PCDH9: variants seen among roughly 807,000 people sequenced by gnomAD.
PCDH9 encodes protocadherin 9.
A neutral mutation model predicts 70.6 loss-of-function variants in PCDH9; 24 were observed. The observed-to-expected ratio is 0.34, with a 90% CI of 0.25 to 0.48. The LOEUF is 0.48. Ranked by LOEUF, PCDH9 falls within the 20% of genes least tolerant of loss-of-function variation. PCDH9 has a pLI of 0.99. For synonymous variants in PCDH9, 562 were observed against 558.5 expected (o/e 1.01, Z -0.09); for missense variants, 1,281 against 1,503.6 (o/e 0.85, Z 2.45).
chr13:66,776,543 A>C (rs985791160), intron 3 of PCDH9, among the ~76,000 whole-genome samples: 2 of 151,908 alleles, frequency 1.3e-5, no homozygotes, highest in Non-Finnish European at 2.9e-5. Context: ...CTTCAAAGAG[A>C]ATAAAATACC....
At position 67,055,555 on chromosome 13, in the gene PCDH9, T is replaced by C. The variant is rs538595515; in HGVS notation, c.3037-151950A>G. Among the ~76,000 whole-genome samples, 22 of 152,120 alleles carry C rather than the reference T, an allele frequency of 1.4e-4. 1 individual carries two copies. The Middle Eastern group carries it at 0.014, about 94-fold the overall frequency. ...GGCTGTGTGCAGTGGCTCACGCCTG[T>C]AATCCCTGCACTTTGCGAGGCTGAA... On this transcript the variant is annotated intron_variant, in intron 2 of 4. Coordinates refer to ENST00000377865, the MANE Select transcript of PCDH9 (RefSeq NM_203487.3).
chr13:67,086,224 G>C (rs967018889), intron 2 of PCDH9, among the ~76,000 whole-genome samples: 3 of 152,104 alleles, frequency 2.0e-5, no homozygotes, highest in African/African-American at 4.8e-5. Context: ...TCATTTGCAT[G>C]TTTCCAATAT....
intron 3 of PCDH9, among the ~76,000 whole-genome samples, chr13:66,880,324 T>G (rs2081900975): frequency 6.6e-6 from 1 of 152,096 alleles, no homozygotes; most frequent in African/African-American, 2.4e-5. Flanking sequence ...AATCATCCTA[T>G]GAAGTTCAAG....
intron 4 of PCDH9, among the ~76,000 whole-genome samples, chr13:66,615,805 A>G (rs2077348469): frequency 6.6e-6 from 1 of 152,218 alleles, no homozygotes. Flanking sequence ...ATGGCCTTTA[A>G]TAATTAAATA....
intron 4 of PCDH9, among the ~76,000 whole-genome samples, chr13:66,581,755 A>G (rs1313503708): frequency 1.3e-5 from 2 of 152,108 alleles, no homozygotes; most frequent in African/African-American, 2.4e-5. Context: ...AAGCAACTCA[A>G]TGGCAGTCCC....
intron 4 of PCDH9, among the ~76,000 whole-genome samples, chr13:66,506,363 A>C (rs1959213934): frequency 6.6e-6 from 1 of 152,218 alleles, no homozygotes; most frequent in African/African-American, 2.4e-5. Context: ...AAAAAGCGGC[A>C]AACTACTGTT....
intron 4 of PCDH9, among the ~76,000 whole-genome samples, chr13:66,510,021 C>A (rs1487775174): frequency 1.3e-5 from 2 of 152,126 alleles, no homozygotes; most frequent in African/African-American, 4.8e-5. Flanking sequence ...CTGACAAATT[C>A]AGTCTAACTT....
chr13:66,805,495 T>C (rs1344753387), intron 3 of PCDH9, among the ~76,000 whole-genome samples: 1 of 152,160 alleles, frequency 6.6e-6, no homozygotes, highest in Non-Finnish European at 1.5e-5. Flanking sequence ...ATTAGAAATA[T>C]GGATTTTCTC....
At position 66,479,499 on chromosome 13, in the gene PCDH9, T is replaced by G. The variant is rs146609375; in HGVS notation, c.3340+151711A>C. Among the ~76,000 whole-genome samples the G allele has an allele frequency of 1.4e-4, 21 of 152,326 alleles. 2 individuals are homozygous for G. The East Asian group carries it at 4.1e-3, about 29-fold the overall frequency. Reference sequence around the variant, plus strand: ...CCATTCTTGATGCCATTAAGATCATTTGTGACTCATGGGAAGAGGTCAAAA... The same window carrying G: ...CCATTCTTGATGCCATTAAGATCATGTGTGACTCATGGGAAGAGGTCAAAA... On this transcript the variant is annotated intron_variant, in intron 4 of 4. Transcript: ENST00000377865.
intron 2 of PCDH9, among the ~76,000 whole-genome samples, chr13:67,018,395 T>G (rs2084605189): frequency 6.6e-6 from 1 of 152,026 alleles, no homozygotes. Flanking sequence ...CCGAAGGGGA[T>G]GGATCACAAG....
At chr13:67,193,332 AACACACAC>A (rs71110637) in intron 2 of PCDH9, among the ~76,000 whole-genome samples, 63 of 142,032 alleles carry the variant, frequency 4.4e-4, no homozygotes, top group Admixed American at 8.5e-4. Flanking sequence ...TGGAGATTAA[AACACACAC>A]ACACACACAC....
chr13:67,108,590 T>C (rs1399100004), intron 2 of PCDH9, among the ~76,000 whole-genome samples: 1 of 152,224 alleles, frequency 6.6e-6, no homozygotes, highest in East Asian at 1.9e-4. Context: ...TAGTATTGCA[T>C]GGCATATAGC....
chr13:66,402,633 C>T (rs1957207347), intron 4 of PCDH9, among the ~76,000 whole-genome samples: 2 of 152,006 alleles, frequency 1.3e-5, no homozygotes, highest in Admixed American at 6.6e-5. Context: ...GTTATAAATT[C>T]AAATTCTTAT....
intron 2 of PCDH9, among the ~76,000 whole-genome samples, chr13:67,149,319 C>A (rs112722426): frequency 1.3e-5 from 2 of 152,082 alleles, no homozygotes; most frequent in Admixed American, 6.5e-5. Context: ...ACTTCCTATG[C>A]GTGTCATGTT....
At chr13:67,132,899 T>A (rs568281873) in intron 2 of PCDH9, among the ~76,000 whole-genome samples, 4 of 152,208 alleles carry the variant, frequency 2.6e-5, no homozygotes, top group African/African-American at 9.6e-5. Context: ...TCCCATTATA[T>A]CCAGAAAGCC....
At chr13:66,634,980 T>C (rs1284214088) in intron 3 of PCDH9, among the ~76,000 whole-genome samples, 1 of 152,122 alleles carries the variant, frequency 6.6e-6, no homozygotes, top group Non-Finnish European at 1.5e-5. Context: ...AGTGAAGAGT[T>C]GCCCATTATC....
intron 2 of PCDH9, among the ~76,000 whole-genome samples, chr13:66,956,293 G>A (rs1257136572): frequency 6.6e-6 from 1 of 152,164 alleles, no homozygotes; most frequent in African/African-American, 2.4e-5. Flanking sequence ...AAAAAATACT[G>A]TTTCTCAAAT....
chr13:66,364,018 G>A (rs568647823), intron 4 of PCDH9, among the ~76,000 whole-genome samples: 1 of 152,044 alleles, frequency 6.6e-6, no homozygotes, highest in Non-Finnish European at 1.5e-5. Context: ...AGCCGGGTAT[G>A]TTGGCAGGCA....
chr13:67,202,441 T>C lies in PCDH9; in HGVS notation c.3036+22964A>G, dbSNP rs550183894. On this transcript the variant is annotated intron_variant, in intron 2 of 4. Coordinates refer to ENST00000377865, the MANE Select transcript of PCDH9 (RefSeq NM_203487.3). ...TAGAATATTAGAATATTACCACATC[T>C]AAGAGCACATCTAATAACAATAAAG... is the stretch of plus-strand genomic sequence containing the variant. 2.0e-5 allele frequency: 3 copies of C among 152,180 alleles called. No individual in the cohort carries two copies. The East Asian group carries it at 5.8e-4, about 29-fold the overall frequency. The allele number at this position is 152,180 out of a possible 1,614,324, so 9.4% of individuals were successfully genotyped here.
Sources: gnomAD v4.1 joint callset for allele counts (sites outside exome capture counted in the v4.1 genomes callset) on GRCh38, gnomAD v4.1.1 for gene constraint, MANE v1.5 for transcripts, NCBI Gene and HGNC (gene_info 2026-07-23, HGNC 2026-07-21) for gene names.